Variants in TRUB1 observed in about 807,000 individuals in gnomAD.
TRUB1 encodes pseudouridylate synthase TRUB1.
Under a neutral mutation model 33.9 loss-of-function variants are expected in TRUB1, and 23 were observed. That is an observed-to-expected ratio of 0.68 (90% CI 0.49 to 0.96). The LOEUF is 0.96. TRUB1 is among the 40% of genes least tolerant of loss of function. TRUB1 has a pLI of 0.00. For synonymous variants in TRUB1, 163 were observed against 165.4 expected, an observed-to-expected ratio of 0.99 and a Z score of 0.11; for missense variants, 378 against 422.2, an observed-to-expected ratio of 0.90 and a Z score of 0.92.
At chr10:114,956,678 C>G (rs932269720) in intron 3 of TRUB1, among the ~76,000 whole-genome samples, 6 of 152,004 alleles carry the variant, frequency 3.9e-5, no homozygotes, top group Non-Finnish European at 8.8e-5. Flanking sequence ...ATAGTTTTGC[C>G]TTTTTAACTT....
At chr10:114,956,087 C>G (rs1041386435) in intron 3 of TRUB1, among the ~76,000 whole-genome samples, 14 of 152,308 alleles carry the variant, frequency 9.2e-5, no homozygotes, top group Non-Finnish European at 2.1e-4. Context: ...CTAAACAGAA[C>G]AGAAGCTGAT....
intron 1 of TRUB1, among the ~76,000 whole-genome samples, 160 bp from the exon 2 acceptor site, chr10:114,942,485 T>G (rs963262315): frequency 6.6e-6 from 1 of 152,248 alleles, no homozygotes; most frequent in African/African-American, 2.4e-5. Flanking sequence ...TTAAAATCTT[T>G]TCTTTGCTAG....
intron 1 of TRUB1, among the ~76,000 whole-genome samples, chr10:114,942,139 T>C (rs1209877780): frequency 1.3e-5 from 2 of 152,180 alleles, no homozygotes; most frequent in Non-Finnish European, 2.9e-5. Flanking sequence ...AGACAGCGAA[T>C]GCAGGGAGTT....
In TRUB1 at chr10:114,977,411, G is replaced by A. The variant is rs1440269978; in HGVS notation, c.*2032G>A. 2.0e-5 allele frequency: 3 copies of A among 151,672 alleles called. No homozygotes were observed. Among genetic ancestry groups the A allele is most frequent in the Non-Finnish European group, 4.4e-5 (3 of 67,862 alleles). The allele number at this position is 151,672 out of a possible 1,614,324, so 9.4% of individuals were successfully genotyped here. A position where few individuals can be genotyped will look rare whatever the true frequency, so the allele number is the denominator to read the frequency against. ...TATTTCTCTATTGCTGAATACTTAA[G>A]TAGTTTTAAATTTTATTATGATAAA... On this transcript the variant is annotated 3_prime_UTR_variant, in exon 8 of 8. Coordinates refer to ENST00000298746, the MANE Select transcript of TRUB1 (RefSeq NM_139169.5).
chr10:114,954,794 GTC>G (rs1358136869), intron 3 of TRUB1, among the ~76,000 whole-genome samples: 1 of 152,046 alleles, frequency 6.6e-6, no homozygotes, highest in African/African-American at 2.4e-5. Flanking sequence ...TTATCCCCAA[GTC>G]TCTCTCTTGA....
chr10:114,939,753 A>G (rs2084177320), intron 1 of TRUB1, among the ~76,000 whole-genome samples: 1 of 151,930 alleles, frequency 6.6e-6, no homozygotes, highest in African/African-American at 2.4e-5. Flanking sequence ...TTGTGGTATC[A>G]TCATAGTTTT....
chr10:114,967,816 A>T (rs2084317024), intron 4 of TRUB1, among the ~76,000 whole-genome samples: 1 of 152,232 alleles, frequency 6.6e-6, no homozygotes, highest in South Asian at 2.1e-4. Flanking sequence ...TTTTAGATAT[A>T]GCCAGTTTGT....
chr10:114,956,299 G>A (rs1467724209), intron 3 of TRUB1, among the ~76,000 whole-genome samples: 1 of 152,122 alleles, frequency 6.6e-6, no homozygotes, highest in African/African-American at 2.4e-5. Context: ...ACGGTTCCCA[G>A]GTATACGTCT....
At chr10:114,942,262 T>G (rs1316261890) in intron 1 of TRUB1, among the ~76,000 whole-genome samples, 1 of 152,200 alleles carries the variant, frequency 6.6e-6, no homozygotes, top group Non-Finnish European at 1.5e-5. Flanking sequence ...AATTGAGGAC[T>G]TTTAAAAGTA....
At position 114,938,388 on chromosome 10, in the gene TRUB1, G is replaced by A. The variant is rs932646668; in HGVS notation, c.135G>A (p.Ala45=). 3 of 1,607,624 alleles carry A rather than the reference G, an allele frequency of 1.9e-6. No homozygotes were observed. In the African/African-American group the frequency reaches 4.0e-5, roughly 22 times the overall value. ...PSARAAAAVV[A]AAARTGSEAR... is the part of the protein sequence containing the mutation. ...CAAGGGCTGCAGCCGCGGTGGTTGCGGCCGCGGCCAGGACCGGATCCGAAG... is the reference window on the plus strand; with the variant it reads ...CAAGGGCTGCAGCCGCGGTGGTTGCAGCCGCGGCCAGGACCGGATCCGAAG... The change falls in exon 1 of 8, where the codon GCG becomes GCA. Residue 45 remains alanine (A), a synonymous_variant. Transcript: ENST00000298746.
intron 2 of TRUB1, among the ~76,000 whole-genome samples, chr10:114,944,600 A>G (rs986075463): frequency 5.3e-5 from 8 of 152,116 alleles, no homozygotes; most frequent in African/African-American, 1.9e-4. Context: ...CAGAGGTTGC[A>G]GTGATCTGAG....
rs2084275742 is a variant in TRUB1 at position 114,959,393 on chromosome 10, G to A, written c.442-333G>A. 2.6e-5 allele frequency among the ~76,000 whole-genome samples: 4 copies of A among 152,256 alleles called. No homozygotes were observed. In the South Asian group the frequency reaches 8.3e-4, roughly 32 times the overall value. On this transcript the variant is annotated intron_variant, in intron 3 of 7. Transcript: ENST00000298746. Reference sequence around the variant, plus strand: ...GTACCATTCTCTCTACTCATGGATAGACTTGAACATTTTCCTTAAACAAAC... The same window carrying A: ...GTACCATTCTCTCTACTCATGGATAAACTTGAACATTTTCCTTAAACAAAC...
chr10:114,949,308 T>G (rs1174603383), intron 2 of TRUB1, among the ~76,000 whole-genome samples: 1 of 152,228 alleles, frequency 6.6e-6, no homozygotes, highest in African/African-American at 2.4e-5. Flanking sequence ...CAAGTCGCAT[T>G]GAATCTTTCC....
chr10:114,938,473 G>C lies in TRUB1; in HGVS notation c.220G>C (p.Val74Leu). 2 of 1,593,032 alleles carry C rather than the reference G, an allele frequency of 1.3e-6. No individual in the cohort carries two copies. The highest frequency in any genetic ancestry group is 1.7e-6 in the Non-Finnish European group (2 of 1,171,264). Reference protein sequence around the residue: ...KLLSLSGVFAVHKPKGPTSAE... With the variant: ...KLLSLSGVFALHKPKGPTSAE... ...GCTGTCCTTGAGCGGCGTGTTCGCCGTGCACAAGCCCAAAGGGCCCACTTC... is the reference window on the plus strand; with the variant it reads ...GCTGTCCTTGAGCGGCGTGTTCGCCCTGCACAAGCCCAAAGGGCCCACTTC... Residue 74 changes from valine (V) to leucine (L), a missense_variant, in exon 1 of 8, where the codon GTG becomes CTG. Physicochemically the swap from Val to Leu is conservative, Grantham distance 32 (BLOSUM62 1). Transcript: ENST00000298746.
At chr10:114,966,770 T>C (rs1467866671) in intron 4 of TRUB1, among the ~76,000 whole-genome samples, 1 of 152,214 alleles carries the variant, frequency 6.6e-6, no homozygotes, top group Non-Finnish European at 1.5e-5. Context: ...TATATAGAAA[T>C]GGAGTTGATT....
intron 4 of TRUB1, among the ~76,000 whole-genome samples, chr10:114,964,707 A>AGGAC (rs1315299187): frequency 1.3e-5 from 2 of 152,112 alleles, no homozygotes; most frequent in African/African-American, 2.4e-5. Context: ...ATGGATGTCC[A>AGGAC]GTTGCTTCAG....
chr10:114,951,051 T>G (rs774646028), intron 2 of TRUB1, 43 bp from the exon 3 acceptor site: 7 of 1,555,108 alleles, frequency 4.5e-6, no homozygotes, highest in Non-Finnish European at 6.2e-6. Context: ...AAAACCTAGT[T>G]TTCAGAACAG....
At chr10:114,942,392 G>A (rs895654706) in intron 1 of TRUB1, among the ~76,000 whole-genome samples, 4 of 152,030 alleles carry the variant, frequency 2.6e-5, no homozygotes, top group East Asian at 3.8e-4. Context: ...TAAAAATGCC[G>A]TTTTTCTCTT....
chr10:114,950,650 G>A (rs957159472), intron 2 of TRUB1, among the ~76,000 whole-genome samples: 11 of 152,162 alleles, frequency 7.2e-5, no homozygotes, highest in Non-Finnish European at 1.2e-4. Context: ...ACTGCTGGGT[G>A]CTAATCATCT....
Sources: gnomAD v4.1 joint callset for allele counts (sites outside exome capture counted in the v4.1 genomes callset) on GRCh38, gnomAD v4.1.1 for gene constraint, MANE v1.5 for transcripts, NCBI Gene and HGNC (gene_info 2026-07-23, HGNC 2026-07-21) for gene names.